Variants in NUCB1 observed in about 807,000 individuals in gnomAD.
NUCB1 encodes the protein nucleobindin 1.
NUCB1 carries 47 observed loss-of-function variants against 61.2 expected under a neutral mutation model. The ratio of observed to expected loss-of-function variants is 0.77; its 90% CI spans 0.61 to 0.98. The LOEUF (loss-of-function observed/expected upper bound fraction) is 0.98. NUCB1 is among the 50% of genes least tolerant of loss of function. NUCB1 has a pLI of 0.00. For missense variants in NUCB1, 583 were observed against 605.3 expected (o/e 0.96, Z 0.39); for synonymous variants, 234 against 243.1 (o/e 0.96, Z 0.35).
At chr19:48,906,017 G>C in intron 4 of NUCB1, 132 bp downstream of exon 4, 1 of 829,568 alleles carries the variant, frequency 1.2e-6, no homozygotes, top group Admixed American at 2.4e-5. Flanking sequence ...TGAAATGTGC[G>C]TGGGAGATTG....
chr19:48,904,284 CAG>C, intron 2 of NUCB1, 61 bp from the exon 3 acceptor site: 1 of 1,100,350 alleles, frequency 9.1e-7, no homozygotes, highest in Non-Finnish European at 1.4e-6. Flanking sequence ...ATAGCAGTAA[CAG>C]GAGTGAGGGT....
In NUCB1 at chr19:48,919,028, A is replaced by C; in HGVS notation, c.817-2A>C. ...CTGTCTGCCTCTCGCTTGCTCCTGC[A>C]GCTGGAGAAAGTGTACGACCCAAAG... On this transcript the variant is annotated splice_acceptor_variant, in intron 8 of 12. Coordinates refer to ENST00000405315, the MANE Select transcript of NUCB1 (RefSeq NM_006184.6). LOFTEE classifies it high-confidence loss of function. The C allele has an allele frequency of 6.2e-7, 1 of 1,613,624 alleles. No homozygotes were observed. Among genetic ancestry groups the C allele is most frequent in the Middle Eastern group, 1.7e-4 (1 of 6,038 alleles).
chr19:48,900,912 C>T lies in NUCB1; in HGVS notation c.116C>T (p.Thr39Ile). 3 of 1,613,946 alleles carry T rather than the reference C, an allele frequency of 1.9e-6. No individual in the cohort carries two copies. The highest frequency in any genetic ancestry group is 2.2e-5 in the East Asian group (1 of 44,890). ...CGAGGGGCGCCCAACAAGGAGGAGACCCCTGCGACTGAGAGTCCCGTGAGT... is the reference window on the plus strand; with the variant it reads ...CGAGGGGCGCCCAACAAGGAGGAGATCCCTGCGACTGAGAGTCCCGTGAGT... Reference protein sequence around the residue: ...LERGAPNKEETPATESPDTGL... With the variant: ...LERGAPNKEEIPATESPDTGL... The change falls in exon 2 of 13, where the codon ACC becomes ATC. Residue 39 changes from threonine to isoleucine, a missense_variant. Transcript: ENST00000405315.
intron 7 of NUCB1, among the ~76,000 whole-genome samples, chr19:48,914,657 G>A (rs2037519254): frequency 6.6e-6 from 1 of 152,202 alleles, no homozygotes; most frequent in African/African-American, 2.4e-5. Context: ...AAAACAAGAT[G>A]CGTCCTGGGC....
chr19:48,903,499 T>G (rs2037375512), intron 2 of NUCB1, among the ~76,000 whole-genome samples: 1 of 98,218 alleles, frequency 1.0e-5, no homozygotes, highest in Non-Finnish European at 2.0e-5. Context: ...GGTGGATGGA[T>G]GGGTGGGTGG....
At chr19:48,901,083 G>A (rs2037349795) in intron 2 of NUCB1, 152 bp downstream of exon 2, 2 of 898,846 alleles carry the variant, frequency 2.2e-6, no homozygotes, top group Non-Finnish European at 3.6e-6. Context: ...AGCAGCAGGG[G>A]TTTGACTTGG....
At chr19:48,915,035 G>A (rs371027959) in intron 7 of NUCB1, among the ~76,000 whole-genome samples, 5 of 151,674 alleles carry the variant, frequency 3.3e-5, no homozygotes, top group Non-Finnish European at 5.9e-5. Flanking sequence ...AGCCAAGATC[G>A]TGCCATTGCA....
chr19:48,901,426 G>A (rs1171645768), intron 2 of NUCB1, among the ~76,000 whole-genome samples: 2 of 152,318 alleles, frequency 1.3e-5, no homozygotes, highest in Non-Finnish European at 2.9e-5. Context: ...CTGAAGGTCA[G>A]TGAGTGTCTT....
chr19:48,903,059 C>T (rs2037369347), intron 2 of NUCB1, among the ~76,000 whole-genome samples: 2 of 152,112 alleles, frequency 1.3e-5, no homozygotes, highest in South Asian at 4.1e-4. Flanking sequence ...CCTCCTACCT[C>T]AGCCTCCCAA....
rs368833525 is a variant in NUCB1 at position 48,919,128 on chromosome 19, G to T, written c.909+6G>T. The T allele has an allele frequency of 6.2e-7, 1 of 1,614,016 alleles. No individual in the cohort carries two copies. The highest frequency in any genetic ancestry group is 8.5e-7 in the Non-Finnish European group (1 of 1,179,934). ...GGGAGCATGTGATGAAGAATGTGAG[G>T]TGGGGGCCAGGCGGGGGAGAGGACG... On this transcript the variant is annotated splice_donor_region_variant and intron_variant, in intron 9 of 12. Coordinates refer to ENST00000405315, the MANE Select transcript of NUCB1 (RefSeq NM_006184.6).
chr19:48,921,785 G>C lies in NUCB1; in HGVS notation c.1174-42G>C, dbSNP rs937094413. 5 of 1,583,134 alleles carry C rather than the reference G, an allele frequency of 3.2e-6. No individual in the cohort carries two copies. The African/African-American group carries it at 4.0e-5, about 13-fold the overall frequency. On this transcript the variant is annotated intron_variant, in intron 11 of 12. Transcript: ENST00000405315. The stretch of plus-strand genomic sequence containing the variant: ...TGAGGCCTGAGCACTTGCAATGCCA[G>C]CATCACACCCTCTTGTCTGTGTGAC...
chr19:48,908,791 T>TCTC (rs1368548088), intron 4 of NUCB1, among the ~76,000 whole-genome samples: 1 of 149,686 alleles, frequency 6.7e-6, no homozygotes, highest in African/African-American at 2.5e-5. Flanking sequence ...CAAGGGCCAC[T>TCTC]GGAGGCCAGG....
At chr19:48,921,005 T>C in intron 10 of NUCB1, 149 bp from the exon 11 acceptor site, 3 of 746,816 alleles carry the variant, frequency 4.0e-6, no homozygotes, top group Non-Finnish European at 6.4e-6. Flanking sequence ...TTTATCCCAC[T>C]CCCACCTCCC....
chr19:48,912,098 C>T (rs531962502), intron 5 of NUCB1, among the ~76,000 whole-genome samples: 31 of 150,026 alleles, frequency 2.1e-4, no homozygotes, highest in African/African-American at 6.4e-4. Context: ...GATCACAGCT[C>T]ACTGCAGCCT....
intron 2 of NUCB1, 86 bp downstream of exon 2, chr19:48,901,017 T>TC (rs1309458353): frequency 1.4e-6 from 2 of 1,469,708 alleles, no homozygotes; most frequent in Admixed American, 3.5e-5. Context: ...GGGCGGATGC[T>TC]CCAGTGACTT....
At chr19:48,916,250 C>G (rs1196118657) in intron 7 of NUCB1, among the ~76,000 whole-genome samples, 2 of 151,664 alleles carry the variant, frequency 1.3e-5, no homozygotes. Flanking sequence ...TTTCATTCTA[C>G]TGGATATTAA....
chr19:48,914,400 G>T (rs182638198), intron 7 of NUCB1, among the ~76,000 whole-genome samples: 153 of 152,150 alleles, frequency 1.0e-3, no homozygotes, highest in African/African-American at 3.5e-3. Context: ...CCCAGAATCT[G>T]TAGCCGGTCA....
chr19:48,917,245 C>T (rs2122201715), intron 7 of NUCB1, among the ~76,000 whole-genome samples: 1 of 152,060 alleles, frequency 6.6e-6, no homozygotes, highest in South Asian at 2.1e-4. Flanking sequence ...AAATAAAAAC[C>T]TTATTTAATC....
At position 48,911,235 on chromosome 19, in the gene NUCB1, G is replaced by T. The variant is rs1419943185; in HGVS notation, c.463G>T (p.Glu155Ter). The change falls in exon 5 of 13, where the codon GAG (glutamate) becomes TAG (stop). Residue 155 changes from glutamate to a stop codon, truncating the protein, a stop_gained. Coordinates refer to ENST00000405315, the MANE Select transcript of NUCB1 (RefSeq NM_006184.6). LOFTEE classifies it high-confidence loss of function. ...GCATACATTCGAGGCCCGCGACCTG[G>T]AGCTGCTGATCCAGACGGTAATGGG... ...NQHTFEARDL[E>*]LLIQTATRDL... The T allele has an allele frequency of 6.2e-7, 1 of 1,613,538 alleles. No homozygotes were observed. Among genetic ancestry groups the T allele is most frequent in the Non-Finnish European group, 8.5e-7 (1 of 1,179,640 alleles).
Sources: gnomAD v4.1 joint callset for allele counts (sites outside exome capture counted in the v4.1 genomes callset) on GRCh38, gnomAD v4.1.1 for gene constraint, MANE v1.5 for transcripts, NCBI Gene and HGNC (gene_info 2026-07-23, HGNC 2026-07-21) for gene names.